The following SLC13A2 variants were observed in gnomAD, a reference collection of about 807,000 sequenced individuals.
SLC13A2 encodes solute carrier family 13 member 2.
A neutral mutation model predicts 58.5 loss-of-function variants in SLC13A2; 40 were observed. That is an observed-to-expected ratio of 0.68 (90% confidence interval 0.53 to 0.89). SLC13A2 has a LOEUF of 0.89. Ranked by LOEUF, SLC13A2 falls within the 40% of genes least tolerant of loss-of-function variation. The pLI is 0.00. For missense variants in SLC13A2, 694 were observed against 772.6 expected, an observed-to-expected ratio of 0.90 and a Z score of 1.21; for synonymous variants, 341 against 331.6, an observed-to-expected ratio of 1.03 and a Z score of -0.31.
rs145722965 is a variant in SLC13A2, at chr17:28,477,713, C to T, written c.102+3899C>T. ...TATATTTTATGTGCTTGACATTATG[C>T]CATGCACTTCAAAGCATTGTTAGAT... On this transcript the variant is annotated intron_variant, in intron 1 of 11. Coordinates refer to ENST00000314669, the MANE Select transcript of SLC13A2 (RefSeq NM_003984.4). 3.9e-4 allele frequency among the ~76,000 whole-genome samples: 60 copies of T among 152,302 alleles called. No individual in the cohort carries two copies. The East Asian group carries it at 0.011, about 27-fold the overall frequency.
chr17:28,481,672 G>A (rs1407437792), intron 1 of SLC13A2, among the ~76,000 whole-genome samples: 5 of 152,226 alleles, frequency 3.3e-5, no homozygotes, highest in African/African-American at 4.8e-5. Flanking sequence ...AGAGGTTGTC[G>A]TTTGACTTCT....
In SLC13A2 at chr17:28,493,564, C is replaced by A. The variant is rs1567858299; in HGVS notation, c.879-7C>A. ...CCCCACGAGCTGCCCCGTCCCTCTG[C>A]CTGCAGCTTCCGGAAGAACTTTGGC... On this transcript the variant is annotated splice_region_variant and splice_polypyrimidine_tract_variant and intron_variant, in intron 6 of 11. Coordinates refer to ENST00000314669, the MANE Select transcript of SLC13A2 (RefSeq NM_003984.4). The A allele has an allele frequency of 5.0e-6, 8 of 1,596,426 alleles. No individual in the cohort carries two copies. Among genetic ancestry groups the A allele is most frequent in the Non-Finnish European group, 6.8e-6 (8 of 1,168,350 alleles).
Position 28,490,875 on chromosome 17 carries a change from A to C in SLC13A2, c.543A>C (p.Glu181Asp), listed in dbSNP as rs1555603237. The C allele has an allele frequency of 6.2e-7, 1 of 1,613,992 alleles. No homozygotes were observed. Among genetic ancestry groups the C allele is most frequent in the Non-Finnish European group, 8.5e-7 (1 of 1,179,958 alleles). The stretch of plus-strand genomic sequence containing the variant: ...ACAACCCCACCTTCGAGCTCCAGGA[A>C]CCAAGTCCCCAGAAGGAGGTGACCA... ...GSNNPTFELQ[E>D]PSPQKEVTKL... is the part of the protein sequence containing the mutation. The change falls in exon 4 of 12, where the codon GAA (glutamate) becomes GAC (aspartate). Residue 181 changes from glutamate to aspartate, a missense_variant. Glu to Asp is a conservative substitution (Grantham distance 45, BLOSUM62 2). Transcript: ENST00000314669.
chr17:28,494,569 G>A lies in SLC13A2; in HGVS notation c.1308+57G>A. 1.2e-6 allele frequency: 2 copies of A among 1,608,410 alleles called. No individual in the cohort carries two copies. Among genetic ancestry groups the A allele is most frequent in the Non-Finnish European group, 1.7e-6 (2 of 1,177,274 alleles). On this transcript the variant is annotated intron_variant, in intron 9 of 11. Coordinates refer to ENST00000314669, the MANE Select transcript of SLC13A2 (RefSeq NM_003984.4). The surrounding 1 kb of genome is among the most constrained non-coding windows in gnomAD (Gnocchi z 4.0). ...TGTGAGGGTGTCTCTGTGGCAGGGA[G>A]AGAGGGGGCCCTGCTTCTGTCCCAC...
chr17:28,477,339 A>G (rs1259257109), intron 1 of SLC13A2, among the ~76,000 whole-genome samples: 22 of 151,300 alleles, frequency 1.5e-4, no homozygotes, highest in South Asian at 8.4e-4. Flanking sequence ...GACTACAGTC[A>G]CCTGCCACCA....
intron 4 of SLC13A2, 151 bp from the exon 5 acceptor site, chr17:28,491,286 C>T (rs4795444): frequency 0.03 from 23,788 of 780,452 alleles, 491 homozygotes; most frequent in Non-Finnish European, 0.036. Context: ...GAATGCTGGG[C>T]CCCTCAGGCC....
At chr17:28,475,089 C>T (rs1309436306) in intron 1 of SLC13A2, among the ~76,000 whole-genome samples, 4 of 152,154 alleles carry the variant, frequency 2.6e-5, no homozygotes, top group Non-Finnish European at 4.4e-5. Flanking sequence ...ATGGGTTTTC[C>T]GACAGGCTGG....
At chr17:28,492,484 G>A (rs575447854) in intron 6 of SLC13A2, among the ~76,000 whole-genome samples, 6 of 152,200 alleles carry the variant, frequency 3.9e-5, no homozygotes, top group Non-Finnish European at 8.8e-5. Flanking sequence ...CAGGCAGCAG[G>A]AGCAGATTGC....
At position 28,496,572 on chromosome 17, in the gene SLC13A2, C is replaced by T. The variant is rs782140571; in HGVS notation, c.1593C>T (p.Leu531=). Residue 531 remains leucine, a synonymous_variant, in exon 11 of 12, where the codon CTC becomes CTT. Coordinates refer to ENST00000314669, the MANE Select transcript of SLC13A2 (RefSeq NM_003984.4). The surrounding 1 kb of genome is among the most constrained non-coding windows in gnomAD (Gnocchi z 4.2). Reference sequence around the variant, plus strand: ...CCATCGTCTTCTCTTTCGGGGACCTCAAAGTGTTGGATATGGTAAGTGGCA... The same window carrying T: ...CCATCGTCTTCTCTTTCGGGGACCTTAAAGTGTTGGATATGGTAAGTGGCA... The part of the protein sequence containing the change: ...PNAIVFSFGD[L]KVLDMARAGF... The T allele has an allele frequency of 8.1e-6, 13 of 1,613,482 alleles. No individual in the cohort carries two copies. Among genetic ancestry groups the T allele is most frequent in the Non-Finnish European group, 1.1e-5 (13 of 1,179,636 alleles).
chr17:28,491,200 A>T (rs150868609), intron 4 of SLC13A2, among the ~76,000 whole-genome samples: 1 of 152,320 alleles, frequency 6.6e-6, no homozygotes, highest in African/African-American at 2.4e-5. Flanking sequence ...TGGTTTGGGT[A>T]ATCCTCGTTT....
At chr17:28,484,277 T>C (rs183138576) in intron 1 of SLC13A2, among the ~76,000 whole-genome samples, 6 of 152,310 alleles carry the variant, frequency 3.9e-5, no homozygotes, top group African/African-American at 1.4e-4. Flanking sequence ...ATGGGAACTA[T>C]ATCCCCTCCT....
chr17:28,479,911 T>C (rs1416337815), intron 1 of SLC13A2, among the ~76,000 whole-genome samples: 2 of 152,100 alleles, frequency 1.3e-5, no homozygotes, highest in Non-Finnish European at 2.9e-5. Flanking sequence ...TCCCAGCACT[T>C]TGGGAGGCCG....
intron 6 of SLC13A2, 46 bp downstream of exon 6, chr17:28,491,898 C>A: frequency 6.3e-7 from 1 of 1,590,974 alleles, no homozygotes; most frequent in Non-Finnish European, 8.6e-7. Flanking sequence ...CTGCCCTTAG[C>A]CCTGGGAGCT....
intron 1 of SLC13A2, among the ~76,000 whole-genome samples, chr17:28,488,073 A>C (rs1322463055): frequency 1.3e-5 from 2 of 152,264 alleles, no homozygotes; most frequent in East Asian, 1.9e-4. Flanking sequence ...GGACCCCCAC[A>C]CCCACTTTAA....
At position 28,490,455 on chromosome 17, in the gene SLC13A2, T is replaced by C. The variant is rs2068983061; in HGVS notation, c.233T>C (p.Val78Ala). ...CTCAGCCATGTCTCCACCTGCCAGGTTGCCGTCGAGTATCTTAAGGACTCC... is the reference window on the plus strand; with the variant it reads ...CTCAGCCATGTCTCCACCTGCCAGGCTGCCGTCGAGTATCTTAAGGACTCC... ...PMMGIVDASEVAVEYLKDSNL... is the reference protein window; with the variant it reads ...PMMGIVDASEAAVEYLKDSNL... Residue 78 changes from valine (V) to alanine (A), a missense_variant and splice_region_variant, in exon 3 of 12, where the codon GTT becomes GCT. Val to Ala is a moderately conservative substitution (Grantham distance 64). Coordinates refer to ENST00000314669, the MANE Select transcript of SLC13A2 (RefSeq NM_003984.4). 6.2e-7 allele frequency: 1 copy of C among 1,614,044 alleles called. No homozygotes were observed. The highest frequency in any genetic ancestry group is 2.2e-5 in the East Asian group (1 of 44,870).
chr17:28,497,002 G>A, intron 11 of SLC13A2, 97 bp from the exon 12 acceptor site: 1 of 1,278,028 alleles, frequency 7.8e-7, no homozygotes, highest in Non-Finnish European at 1.1e-6. Context: ...AGAGAATTTT[G>A]CTGGTAGGAG....
In SLC13A2 at chr17:28,497,429, G is replaced by T; in HGVS notation, c.*160G>T. 1 of 745,758 alleles carries T rather than the reference G, an allele frequency of 1.3e-6. No individual in the cohort carries two copies. Among genetic ancestry groups the T allele is most frequent in the Non-Finnish European group, 2.1e-6 (1 of 468,840 alleles). The allele number at this position is 745,758 out of a possible 1,614,324, so 46.2% of individuals were successfully genotyped here. ...GCGTGTCTGTAAGGAAGGGGTGTAT[G>T]CTCAGTTTCCTATGTGCTGGAATAA... On this transcript the variant is annotated 3_prime_UTR_variant, in exon 12 of 12. Transcript: ENST00000314669.
At chr17:28,477,217 T>G (rs1299112263) in intron 1 of SLC13A2, among the ~76,000 whole-genome samples, 11 of 130,552 alleles carry the variant, frequency 8.4e-5, no homozygotes, top group Non-Finnish European at 1.6e-4. Context: ...TTTTTGAGAC[T>G]GAGTCTCACT....
At chr17:28,475,164 G>T (rs898401820) in intron 1 of SLC13A2, among the ~76,000 whole-genome samples, 1 of 152,184 alleles carries the variant, frequency 6.6e-6, no homozygotes, top group Non-Finnish European at 1.5e-5. Flanking sequence ...AATTCCCCTC[G>T]ACCTGGGGAA....
Sources: allele counts gnomAD v4.1 joint callset (sites outside exome capture counted in the v4.1 genomes callset), GRCh38; gene constraint gnomAD v4.1.1; non-coding constraint Gnocchi (gnomAD v3.1); transcripts MANE v1.5; gene names NCBI Gene and HGNC (gene_info 2026-07-23, HGNC 2026-07-21).